Variants in ESRRG observed in about 807,000 individuals in gnomAD.
The protein encoded by ESRRG is estrogen-related receptor gamma.
In ESRRG, 13 loss-of-function variants were observed where a neutral mutation model predicts 44.0. The observed-to-expected ratio is 0.30, with a 90% CI of 0.19 to 0.47. The LOEUF (loss-of-function observed/expected upper bound fraction) is 0.47. Among genes scored for constraint, ESRRG ranks in the 20% least tolerant of loss-of-function variants. The pLI, the probability that ESRRG is intolerant of heterozygous loss-of-function variation, is 1.00. For synonymous variants in ESRRG, 215 were observed against 214.6 expected (o/e 1.00, Z -0.02); for missense variants, 395 against 580.6 (o/e 0.68, Z 3.29).
intron 1 of ESRRG, among the ~76,000 whole-genome samples, chr1:216,683,510 C>G (rs4846644): frequency 0.2 from 30,033 of 152,072 alleles, 3,388 homozygotes; most frequent in East Asian, 0.38. Flanking sequence ...AGTAAGAAAA[C>G]AGCTGCCCTC....
chr1:216,954,080 A>C (rs1418638886), intron 1 of ESRRG, among the ~76,000 whole-genome samples: 3 of 152,122 alleles, frequency 2.0e-5, no homozygotes, highest in Admixed American at 6.6e-5. Flanking sequence ...AAATATCTCT[A>C]AAACATCACT....
intron 3 of ESRRG, among the ~76,000 whole-genome samples, chr1:216,613,976 T>C (rs1455370136): frequency 6.6e-6 from 1 of 152,238 alleles, no homozygotes; most frequent in Non-Finnish European, 1.5e-5. Context: ...TTTGCAACTT[T>C]GGTGTCTTCG....
intron 1 of ESRRG, among the ~76,000 whole-genome samples, chr1:216,955,971 C>T (rs926322561): frequency 6.6e-6 from 1 of 152,034 alleles, no homozygotes; most frequent in African/African-American, 2.4e-5. Flanking sequence ...TAGTCTGTGT[C>T]AGTTTGCAAA....
chr1:216,736,176 ATTTTTTTTTTTTT>A (rs34469625), intron 2 of ESRRG, among the ~76,000 whole-genome samples: 2 of 82,688 alleles, frequency 2.4e-5, no homozygotes, highest in Non-Finnish European at 4.4e-5. Context: ...GTTAAGGACT[ATTTTTTTTTTTTT>A]TTTTTTTTTT....
chr1:216,909,142 T>C (rs182066353), intron 2 of ESRRG, among the ~76,000 whole-genome samples: 1 of 152,318 alleles, frequency 6.6e-6, no homozygotes, highest in African/African-American at 2.4e-5. Context: ...TGGTGTGACT[T>C]TGTTGAGCCT....
At chr1:216,895,332 C>G (rs2058294784) in intron 2 of ESRRG, among the ~76,000 whole-genome samples, 1 of 152,040 alleles carries the variant, frequency 6.6e-6, no homozygotes, top group Non-Finnish European at 1.5e-5. Flanking sequence ...ACTCATAAAA[C>G]CTATTAATTA....
chr1:216,636,460 T>C (rs963602956), intron 3 of ESRRG, among the ~76,000 whole-genome samples: 1 of 152,228 alleles, frequency 6.6e-6, no homozygotes, highest in Admixed American at 6.5e-5. Flanking sequence ...CAGTGATCTC[T>C]CTCATTGTGA....
intron 2 of ESRRG, among the ~76,000 whole-genome samples, chr1:216,758,247 C>T (rs961104069): frequency 6.6e-6 from 1 of 151,968 alleles, no homozygotes; most frequent in African/African-American, 2.4e-5. Context: ...CTCTTGTGGG[C>T]TTCTCTCAGT....
At chr1:216,772,607 A>G (rs928219127) in intron 2 of ESRRG, among the ~76,000 whole-genome samples, 2 of 152,164 alleles carry the variant, frequency 1.3e-5, no homozygotes, top group Non-Finnish European at 2.9e-5. Flanking sequence ...TGAGAACAGC[A>G]TCATTAGCTT....
At chr1:216,667,577 T>A (rs1477240691) in intron 2 of ESRRG, among the ~76,000 whole-genome samples, 2 of 148,024 alleles carry the variant, frequency 1.4e-5, no homozygotes, top group Non-Finnish European at 3.0e-5. Flanking sequence ...TCCCAGCTAC[T>A]CAGGAGGCTG....
chr1:216,658,410 G>A (rs905902208), intron 2 of ESRRG, among the ~76,000 whole-genome samples: 1 of 152,040 alleles, frequency 6.6e-6, no homozygotes, highest in African/African-American at 2.4e-5. Flanking sequence ...ACTAGGCATT[G>A]TGCATGTTCA....
chr1:216,755,459 C>T (rs1559517825), intron 2 of ESRRG, among the ~76,000 whole-genome samples: 1 of 151,660 alleles, frequency 6.6e-6, no homozygotes, highest in Non-Finnish European at 1.5e-5. Flanking sequence ...TATCATATCC[C>T]GAATTATCAA....
At chr1:216,769,565 T>C (rs2093287789) in intron 2 of ESRRG, among the ~76,000 whole-genome samples, 1 of 152,074 alleles carries the variant, frequency 6.6e-6, no homozygotes, top group Non-Finnish European at 1.5e-5. Flanking sequence ...ATCTAGTGCA[T>C]ACATGAAGCC....
intron 3 of ESRRG, among the ~76,000 whole-genome samples, chr1:216,633,302 C>T (rs551517536): frequency 1.3e-5 from 2 of 152,168 alleles, no homozygotes; most frequent in East Asian, 1.9e-4. Context: ...AAGGTGGTGG[C>T]GAGACAGATG....
intron 2 of ESRRG, among the ~76,000 whole-genome samples, chr1:216,729,026 A>T (rs1425393190): frequency 6.6e-6 from 1 of 152,218 alleles, no homozygotes. Context: ...ATTCTGGAAC[A>T]TGCCTTGGGT....
intron 1 of ESRRG, among the ~76,000 whole-genome samples, chr1:216,718,860 A>G (rs2085508838): frequency 6.6e-6 from 1 of 152,012 alleles, no homozygotes; most frequent in South Asian, 2.1e-4. Context: ...CTAAAGTTCT[A>G]CTGAGATCCC....
intron 2 of ESRRG, among the ~76,000 whole-genome samples, chr1:216,934,952 A>C (rs139531532): frequency 6.6e-6 from 1 of 152,342 alleles, no homozygotes; most frequent in East Asian, 1.9e-4. Context: ...GTAAGCACTC[A>C]GTAATTACTT....
chr1:216,671,891 T>C (rs2075254030), intron 2 of ESRRG, among the ~76,000 whole-genome samples: 1 of 152,136 alleles, frequency 6.6e-6, no homozygotes, highest in Non-Finnish European at 1.5e-5. Context: ...GTGTTTTGTC[T>C]ATTAAATAAT....
upstream of ESRRG, among the ~76,000 whole-genome samples, chr1:217,093,116 A>G (rs530396317): frequency 6.6e-6 from 1 of 152,332 alleles, no homozygotes; most frequent in East Asian, 1.9e-4. Context: ...AAGATATTAA[A>G]ATTTCCATTT....
Sources: allele counts gnomAD v4.1 joint callset (sites outside exome capture counted in the v4.1 genomes callset), GRCh38; gene constraint gnomAD v4.1.1; transcripts MANE v1.5; gene names NCBI Gene and HGNC (gene_info 2026-07-23, HGNC 2026-07-21).